Variants in FAHD2B observed in about 807,000 individuals in gnomAD.
The protein encoded by FAHD2B is oxaloacetate tautomerase FAHD2B, mitochondrial.
Under a neutral mutation model 33.7 loss-of-function variants are expected in FAHD2B, and 26 were observed. That is an observed-to-expected ratio of 0.77 (90% confidence interval 0.57 to 1.07). FAHD2B has a LOEUF of 1.07. Among genes scored for constraint, FAHD2B ranks in the 50% least tolerant of loss-of-function variants. FAHD2B has a pLI of 0.00. For synonymous variants in FAHD2B, 108 were observed against 150.9 expected (o/e 0.72, Z 2.08); for missense variants, 272 against 388.1 (o/e 0.70, Z 2.51).
rs1559140578 is a variant in FAHD2B, at chr2:97,091,715, G to A, written c.-6-3C>T. The A allele has an allele frequency of 6.2e-7, 1 of 1,605,932 alleles. No homozygotes were observed. Among genetic ancestry groups the A allele is most frequent in the Non-Finnish European group, 8.5e-7 (1 of 1,174,842 alleles). On this transcript the variant is annotated splice_polypyrimidine_tract_variant and splice_region_variant and intron_variant, in intron 2 of 8. Coordinates refer to ENST00000414820, the MANE Select transcript of FAHD2B (RefSeq NM_001320848.2). ...CTACCAGACACCAGCATCAGAGCCT[G>A]CAGAGAAAAACACAGGATCCAGGAG...
chr2:97,086,435 T>C, intron 4 of FAHD2B: 1 of 557,366 alleles, frequency 1.8e-6, no homozygotes, highest in Non-Finnish European at 3.2e-6. Context: ...CCACTGTGAC[T>C]GCAGAAGAGC....
intron 4 of FAHD2B, among the ~76,000 whole-genome samples, chr2:97,089,243 G>A (rs1047178973): frequency 2.6e-5 from 4 of 151,916 alleles, no homozygotes; most frequent in South Asian, 2.1e-4. Context: ...TAATAAGGCC[G>A]GGTGTGGTGA....
chr2:97,079,805 C>T (rs1349072093), downstream of FAHD2B, among the ~76,000 whole-genome samples: 2 of 151,792 alleles, frequency 1.3e-5, no homozygotes, highest in Non-Finnish European at 2.9e-5. Context: ...GCTGGGAGTA[C>T]AGGCATGCAC....
At position 97,084,269 on chromosome 2, in the gene FAHD2B, T is replaced by C. The variant is rs1296094090; in HGVS notation, c.694A>G (p.Asn232Asp). The C allele has an allele frequency of 2.5e-6, 4 of 1,613,570 alleles. 1 individual carries two copies. In the South Asian group the frequency reaches 4.4e-5, roughly 18 times the overall value. ...TTCACTCGGCAGCAGATCTTTAAGT[T>C]GTGTGGATCTGAAATGCAAAGATGG... The part of the protein sequence containing the change: ...VTKDSVADPH[N>D]LKICCRVNGE... The change falls in exon 7 of 9, where the codon AAC (asparagine) becomes GAC (aspartate). Residue 232 changes from asparagine to aspartate, a missense_variant. Coordinates refer to ENST00000414820, the MANE Select transcript of FAHD2B (RefSeq NM_001320848.2).
Position 97,090,093 on chromosome 2 carries a change from G to A in FAHD2B, c.462+16C>T, listed in dbSNP as rs1258306743. 6.7e-7 allele frequency: 1 copy of A among 1,491,746 alleles called. No individual in the cohort carries two copies. Among genetic ancestry groups the A allele is most frequent in the South Asian group, 1.3e-5 (1 of 79,440 alleles). 92.4% of individuals were successfully genotyped at this position (1,491,746 alleles called of 1,614,324 possible). ...ATGGGCCCAGTGACTAGGGAGGGCA[G>A]TGGGGAGGCACTGACCTGGCTCTGT... On this transcript the variant is annotated intron_variant, in intron 4 of 8. Coordinates refer to ENST00000414820, the MANE Select transcript of FAHD2B (RefSeq NM_001320848.2).
intron 6 of FAHD2B, 27 bp from the exon 7 acceptor site, chr2:97,084,304 G>A: frequency 1.2e-6 from 2 of 1,611,598 alleles, no homozygotes; most frequent in Non-Finnish European, 1.7e-6. Context: ...GAACCTTGGA[G>A]TTATCCCTTT....
At chr2:97,084,811 G>C (rs2031858657) in intron 6 of FAHD2B, among the ~76,000 whole-genome samples, 1 of 151,704 alleles carries the variant, frequency 6.6e-6, no homozygotes. Flanking sequence ...TACTCAGGAG[G>C]CTGAGGTGGG....
At chr2:97,083,135 T>C (rs964339019), downstream of FAHD2B, 20 of 1,565,210 alleles carry the variant, frequency 1.3e-5, no homozygotes, top group African/African-American at 5.4e-5. Context: ...GCATCTTCCA[T>C]GGCCCAGGTT....
downstream of FAHD2B, chr2:97,082,693 T>C: frequency 6.3e-7 from 1 of 1,588,384 alleles, no homozygotes; most frequent in Admixed American, 1.7e-5. Context: ...CACTTCTCTC[T>C]TCTTTCCAGA....
At chr2:97,093,021 A>AGTCCAAG (rs2032446985) in intron 1 of FAHD2B, among the ~76,000 whole-genome samples, 1 of 149,120 alleles carries the variant, frequency 6.7e-6, no homozygotes, top group Non-Finnish European at 1.5e-5. Context: ...TCCTGTTTTG[A>AGTCCAAG]GTCCAAGGCT....
At chr2:97,092,099 T>A (rs2032382163) in intron 1 of FAHD2B, 111 bp from the exon 2 acceptor site, 1 of 167,324 alleles carries the variant, frequency 6.0e-6, no homozygotes, top group South Asian at 1.8e-4. Context: ...ACTAATGCTG[T>A]GAAGATGGTC....
At chr2:97,087,292 C>T (rs1008786835) in intron 4 of FAHD2B, among the ~76,000 whole-genome samples, 2 of 152,100 alleles carry the variant, frequency 1.3e-5, no homozygotes, top group African/African-American at 4.8e-5. Flanking sequence ...AACTCGTGAT[C>T]TGCCCGCTTT....
chr2:97,092,804 C>T lies in FAHD2B; in HGVS notation c.-132-816G>A, dbSNP rs1453758616. 3.3e-5 allele frequency among the ~76,000 whole-genome samples: 5 copies of T among 151,540 alleles called. No homozygotes were observed. In the East Asian group the frequency reaches 9.7e-4, roughly 29 times the overall value. On this transcript the variant is annotated intron_variant, in intron 1 of 8. Coordinates refer to ENST00000414820, the MANE Select transcript of FAHD2B (RefSeq NM_001320848.2). ...TGGCCAACATGGTGAAACCCTGTAT[C>T]CCCTAAAAATGCAAAAAAATTAGCC... is the stretch of plus-strand genomic sequence containing the variant.
In FAHD2B at chr2:97,083,652, T is replaced by C; in HGVS notation, c.*103A>G. On this transcript the variant is annotated 3_prime_UTR_variant, in exon 9 of 9. Transcript: ENST00000414820. ...CTCCCTTCTACCGAGAAGAGGCGGCTTGCAGGGCTGGCACCTGCCCACACC... is the reference window on the plus strand; with the variant it reads ...CTCCCTTCTACCGAGAAGAGGCGGCCTGCAGGGCTGGCACCTGCCCACACC... 1.3e-6 allele frequency: 2 copies of C among 1,582,890 alleles called. No individual in the cohort carries two copies. Among genetic ancestry groups the C allele is most frequent in the Non-Finnish European group, 8.6e-7 (1 of 1,158,286 alleles).
In FAHD2B at chr2:97,086,169, C is replaced by T. The variant is rs2031973131; in HGVS notation, c.492G>A (p.Val164=). 1 of 1,612,778 alleles carries T rather than the reference C, an allele frequency of 6.2e-7. No homozygotes were observed. The highest frequency in any genetic ancestry group is 8.5e-7 in the Non-Finnish European group (1 of 1,179,606). The part of the protein sequence containing the change: ...QEVDWEVELA[V]VIGKKGKHIK... ...TGTGCTTGCCTTTCTTTCCAATGAC[C>T]ACGGCCAGCTCCACTTCCCAATCTA... is the stretch of plus-strand genomic sequence containing the variant. Residue 164 remains valine (V), a synonymous_variant, in exon 5 of 9, where the codon GTG becomes GTA. Transcript: ENST00000414820.
At chr2:97,084,368 A>T (rs2031820718) in intron 6 of FAHD2B, 91 bp from the exon 7 acceptor site, 11 of 1,488,542 alleles carry the variant, frequency 7.4e-6, no homozygotes, top group Non-Finnish European at 9.2e-7. Flanking sequence ...GCGCTTCGTG[A>T]CTTGGCAGGT....
intron 4 of FAHD2B, among the ~76,000 whole-genome samples, chr2:97,087,153 A>G (rs914043334): frequency 4.0e-5 from 6 of 151,814 alleles, no homozygotes; most frequent in Non-Finnish European, 8.8e-5. Flanking sequence ...CTGGGTTCAC[A>G]CCATTCTCTC....
At chr2:97,093,167 G>A (rs2032455404) in intron 1 of FAHD2B, among the ~76,000 whole-genome samples, 1 of 151,924 alleles carries the variant, frequency 6.6e-6, no homozygotes, top group Non-Finnish European at 1.5e-5. Flanking sequence ...AGCCTTCTAT[G>A]CCCAAAAATG....
intron 4 of FAHD2B, 135 bp downstream of exon 4, chr2:97,089,974 C>T (rs2153383365): frequency 1.0e-6 from 1 of 994,476 alleles, no homozygotes; most frequent in Admixed American, 2.7e-5. Flanking sequence ...AGTGTTACTA[C>T]TGTGTGTATA....
Sources: gnomAD v4.1 joint callset for allele counts (sites outside exome capture counted in the v4.1 genomes callset) on GRCh38, gnomAD v4.1.1 for gene constraint, MANE v1.5 for transcripts, NCBI Gene and HGNC (gene_info 2026-07-23, HGNC 2026-07-21) for gene names.